Variants in RIT2 observed in about 807,000 individuals in gnomAD.
The protein encoded by RIT2 is GTP-binding protein Rit2.
Under a neutral mutation model 23.7 loss-of-function variants are expected in RIT2, and 24 were observed. The ratio of observed to expected loss-of-function variants is 1.01; its 90% CI spans 0.73 to 1.43. The LOEUF (loss-of-function observed/expected upper bound fraction) is 1.43. Ranked by LOEUF, RIT2 falls within the 40% of genes most tolerant of loss-of-function variation. RIT2 has a pLI of 0.00. For missense variants in RIT2, 236 were observed against 266.9 expected (o/e 0.88, Z 0.81); for synonymous variants, 107 against 91.1 (o/e 1.17, Z -0.99).
At chr18:43,088,900 CAT>C (rs1257225791) in intron 1 of RIT2, among the ~76,000 whole-genome samples, 3 of 152,046 alleles carry the variant, frequency 2.0e-5, no homozygotes, top group Non-Finnish European at 4.4e-5. Flanking sequence ...ACGGAAAAAA[CAT>C]GAGGCAAAGT....
At chr18:42,880,299 C>T (rs966720439) in intron 4 of RIT2, among the ~76,000 whole-genome samples, 1 of 152,110 alleles carries the variant, frequency 6.6e-6, no homozygotes, top group Non-Finnish European at 1.5e-5. Flanking sequence ...CAATTTCTTT[C>T]TCAGTTTTCT....
chr18:42,902,399 C>A (rs1200015970), intron 4 of RIT2, among the ~76,000 whole-genome samples: 2 of 151,602 alleles, frequency 1.3e-5, no homozygotes, highest in African/African-American at 4.8e-5. Context: ...AAAAGGACAA[C>A]AGATTGCAAC....
At chr18:42,811,263 G>A (rs968858580) in intron 4 of RIT2, among the ~76,000 whole-genome samples, 3 of 152,024 alleles carry the variant, frequency 2.0e-5, no homozygotes, top group African/African-American at 7.2e-5. Context: ...GTTTTCCACT[G>A]AATATTAAAT....
chr18:42,938,467 A>G (rs1909516232), intron 3 of RIT2, among the ~76,000 whole-genome samples: 1 of 152,194 alleles, frequency 6.6e-6, no homozygotes, highest in Non-Finnish European at 1.5e-5. Context: ...CATACTGCCA[A>G]AATTTGGTAC....
At chr18:42,970,279 C>T in intron 3 of RIT2, among the ~76,000 whole-genome samples, 1 of 151,894 alleles carries the variant, frequency 6.6e-6, no homozygotes, top group East Asian at 1.9e-4. Flanking sequence ...TAAAGTTTTC[C>T]AAAGCTGTGC....
At chr18:42,837,902 C>G (rs974391634) in intron 4 of RIT2, among the ~76,000 whole-genome samples, 9 of 152,024 alleles carry the variant, frequency 5.9e-5, no homozygotes, top group African/African-American at 2.2e-4. Flanking sequence ...AAATATAGGA[C>G]TATAGCAGTA....
intron 4 of RIT2, among the ~76,000 whole-genome samples, chr18:42,896,878 G>A (rs1239131996): frequency 1.3e-5 from 2 of 152,010 alleles, no homozygotes; most frequent in African/African-American, 4.8e-5. Flanking sequence ...CCTGGCTTAG[G>A]TAACAGTTTT....
At chr18:42,859,766 T>G (rs1220909694) in intron 4 of RIT2, among the ~76,000 whole-genome samples, 1 of 150,622 alleles carries the variant, frequency 6.6e-6, no homozygotes, top group Non-Finnish European at 1.5e-5. Context: ...TTAACAGTAG[T>G]TCAAGTTAAT....
intron 2 of RIT2, among the ~76,000 whole-genome samples, chr18:42,987,333 C>T (rs937420406): frequency 4.6e-5 from 7 of 152,154 alleles, no homozygotes; most frequent in Admixed American, 1.3e-4. Flanking sequence ...TGCAGTATGG[C>T]TCAGGCTGCT....
At chr18:42,886,086 G>A (rs1908015936) in intron 4 of RIT2, among the ~76,000 whole-genome samples, 1 of 152,104 alleles carries the variant, frequency 6.6e-6, no homozygotes, top group Admixed American at 6.6e-5. Flanking sequence ...AGATGAATTG[G>A]GAAATAAAGG....
chr18:42,927,220 AG>A (rs1421887612), intron 3 of RIT2, among the ~76,000 whole-genome samples: 3 of 151,934 alleles, frequency 2.0e-5, no homozygotes, highest in Admixed American at 6.6e-5. Context: ...AAAAGTATTA[AG>A]CTTTTTTTTT....
intron 4 of RIT2, among the ~76,000 whole-genome samples, chr18:42,746,507 TA>T (rs1353299158): frequency 1.3e-5 from 2 of 152,018 alleles, no homozygotes; most frequent in Non-Finnish European, 2.9e-5. Flanking sequence ...ATTATTTGAG[TA>T]AAAGGGGAAT....
At chr18:42,830,909 T>C (rs1906439774) in intron 4 of RIT2, among the ~76,000 whole-genome samples, 1 of 152,198 alleles carries the variant, frequency 6.6e-6, no homozygotes, top group Non-Finnish European at 1.5e-5. Context: ...AATTTTACTT[T>C]TGTCCCAAAA....
chr18:42,962,949 C>T (rs1282510568), intron 3 of RIT2, among the ~76,000 whole-genome samples: 1 of 152,126 alleles, frequency 6.6e-6, no homozygotes, highest in Non-Finnish European at 1.5e-5. Flanking sequence ...CTTAATGGCT[C>T]TGAGACAATA....
intron 4 of RIT2, among the ~76,000 whole-genome samples, chr18:42,862,040 G>T (rs1354264449): frequency 6.6e-6 from 1 of 152,146 alleles, no homozygotes; most frequent in Non-Finnish European, 1.5e-5. Flanking sequence ...AAAAATAAGA[G>T]AAAAGCATTT....
At position 43,112,002 on chromosome 18, in the gene RIT2, T is replaced by C. The variant is rs557613904; in HGVS notation, c.103+3415A>G. Among the ~76,000 whole-genome samples, 19 of 151,014 alleles carry C rather than the reference T, an allele frequency of 1.3e-4. No individual in the cohort carries two copies. In the East Asian group the frequency reaches 3.3e-3, roughly 26 times the overall value. On this transcript the variant is annotated intron_variant, in intron 1 of 4. Transcript: ENST00000326695. ...ATAAAAATATAAATACAAATATTAA[T>C]ATTATATATTTATACAGAAGTATTA...
At chr18:43,002,581 G>C (rs1911132425) in intron 2 of RIT2, among the ~76,000 whole-genome samples, 1 of 151,926 alleles carries the variant, frequency 6.6e-6, no homozygotes, top group South Asian at 2.1e-4. Context: ...CTGGCTGCAT[G>C]ATGCACTAGT....
chr18:42,791,309 C>A (rs1379095174), intron 4 of RIT2, among the ~76,000 whole-genome samples: 2 of 152,162 alleles, frequency 1.3e-5, no homozygotes, highest in Non-Finnish European at 2.9e-5. Context: ...ATCTTCAGTT[C>A]TTTGCTTTGC....
At chr18:43,012,040 C>T (rs4580281) in intron 2 of RIT2, among the ~76,000 whole-genome samples, 144,908 of 151,818 alleles carry the variant, frequency 0.95, 69,509 homozygotes, top group East Asian at 1. Flanking sequence ...CCCATGTTCA[C>T]GTCCAACGAA....
Sources: allele counts gnomAD v4.1 joint callset (sites outside exome capture counted in the v4.1 genomes callset), GRCh38; gene constraint gnomAD v4.1.1; transcripts MANE v1.5; gene names NCBI Gene and HGNC (gene_info 2026-07-23, HGNC 2026-07-21).